Variants in NRXN1 observed in about 807,000 individuals in gnomAD.
NRXN1 encodes neurexin-1.
In NRXN1, 39 loss-of-function variants were observed where a neutral mutation model predicts 150.9. The ratio of observed to expected loss-of-function variants is 0.26; its 90% CI spans 0.20 to 0.34. The LOEUF (loss-of-function observed/expected upper bound fraction) is 0.34. Ranked by LOEUF, NRXN1 falls within the 10% of genes least tolerant of loss-of-function variation. The pLI is 1.00. For missense variants in NRXN1, 1,815 were observed against 1,949.9 expected, an observed-to-expected ratio of 0.93 and a Z score of 1.30; for synonymous variants, 924 against 757.0, an observed-to-expected ratio of 1.22 and a Z score of -3.62.
intron 13 of NRXN1, among the ~76,000 whole-genome samples, chr2:50,504,120 G>C (rs77433908): frequency 1.6e-5 from 2 of 123,894 alleles, no homozygotes; most frequent in Non-Finnish European, 3.3e-5. Context: ...GATTAAAGGA[G>C]GCTAAAGAAA....
chr2:50,906,176 T>G (rs567358641), intron 5 of NRXN1, among the ~76,000 whole-genome samples: 12 of 152,240 alleles, frequency 7.9e-5, no homozygotes, highest in African/African-American at 2.6e-4. Flanking sequence ...CCAAGTAGAT[T>G]AATATCATAT....
intron 18 of NRXN1, among the ~76,000 whole-genome samples, chr2:50,102,428 A>G (rs72878105): frequency 0.037 from 5,685 of 152,124 alleles, 357 homozygotes; most frequent in African/African-American, 0.13. Context: ...TGGAACTACC[A>G]TAACACATGA....
In NRXN1 at chr2:50,915,257, G is replaced by C. The variant is rs576347867; in HGVS notation, c.832+6612C>G. On this transcript the variant is annotated intron_variant, in intron 5 of 22. Coordinates refer to ENST00000401669, the MANE Select transcript of NRXN1 (RefSeq NM_001330078.2). Reference sequence around the variant, plus strand: ...CTTTTCCTTGAAAATGTGGTATTCAGATAACTAGGTGTCAGCAGTCTCAAC... The same window carrying C: ...CTTTTCCTTGAAAATGTGGTATTCACATAACTAGGTGTCAGCAGTCTCAAC... Among the ~76,000 whole-genome samples, 10 of 151,702 alleles carry C rather than the reference G, an allele frequency of 6.6e-5. 1 individual carries two copies. Among genetic ancestry groups the C allele is most frequent in the African/African-American group, 2.4e-4 (10 of 41,466 alleles).
chr2:50,256,321 A>G (rs1403215877), intron 17 of NRXN1, among the ~76,000 whole-genome samples: 1 of 152,152 alleles, frequency 6.6e-6, no homozygotes, highest in African/African-American at 2.4e-5. Flanking sequence ...CATTAGAACA[A>G]TAGTTGGTTG....
At chr2:50,953,166 C>A (rs1035277445) in intron 2 of NRXN1, among the ~76,000 whole-genome samples, 5 of 152,112 alleles carry the variant, frequency 3.3e-5, no homozygotes, top group African/African-American at 1.2e-4. Flanking sequence ...AGTATAGACC[C>A]ATTATGAATA....
At chr2:50,242,028 CT>C (rs988418570) in intron 17 of NRXN1, among the ~76,000 whole-genome samples, 42 of 151,886 alleles carry the variant, frequency 2.8e-4, no homozygotes, top group African/African-American at 9.9e-4. Flanking sequence ...TAAAAGGTTA[CT>C]TTTTGAAAGC....
chr2:50,936,920 C>T (rs775270723), intron 2 of NRXN1, among the ~76,000 whole-genome samples: 10 of 152,042 alleles, frequency 6.6e-5, no homozygotes, highest in South Asian at 2.1e-4. Context: ...TAAGAAACTA[C>T]GAATCATTGG....
chr2:49,957,565 A>C (rs2104516276), intron 21 of NRXN1, among the ~76,000 whole-genome samples: 1 of 152,286 alleles, frequency 6.6e-6, no homozygotes, highest in Non-Finnish European at 1.5e-5. Flanking sequence ...AGAGAAGATT[A>C]TATGTTTGAT....
chr2:50,535,582 T>C (rs2093235627), intron 10 of NRXN1, among the ~76,000 whole-genome samples: 2 of 152,258 alleles, frequency 1.3e-5, no homozygotes, highest in African/African-American at 4.8e-5. Context: ...ATAATTTTTA[T>C]ATGATCAAGT....
intron 17 of NRXN1, among the ~76,000 whole-genome samples, chr2:50,342,667 A>C (rs2077632695): frequency 6.6e-6 from 1 of 152,228 alleles, no homozygotes; most frequent in African/African-American, 2.4e-5. Flanking sequence ...AGTGTGCATT[A>C]TTGTTAAAAC....
chr2:50,768,091 C>T (rs1339918578), intron 5 of NRXN1, among the ~76,000 whole-genome samples: 1 of 152,048 alleles, frequency 6.6e-6, no homozygotes, highest in Non-Finnish European at 1.5e-5. Context: ...GGCCTAGGGA[C>T]AGTGAGTTTT....
chr2:49,956,269 G>A (rs928813642), intron 21 of NRXN1, among the ~76,000 whole-genome samples: 2 of 152,080 alleles, frequency 1.3e-5, no homozygotes, highest in Admixed American at 6.6e-5. Flanking sequence ...TTACAAAAAC[G>A]TTTCCAAATG....
At chr2:50,573,755 A>AATC (rs1671002140) in intron 8 of NRXN1, among the ~76,000 whole-genome samples, 1 of 150,622 alleles carries the variant, frequency 6.6e-6, no homozygotes, top group Non-Finnish European at 1.5e-5. Context: ...TAATAATAAT[A>AATC]ATAATAATAA....
At chr2:50,482,731 G>A (rs1313833886) in intron 15 of NRXN1, among the ~76,000 whole-genome samples, 1 of 152,072 alleles carries the variant, frequency 6.6e-6, no homozygotes, top group African/African-American at 2.4e-5. Flanking sequence ...GATGTTCTTA[G>A]TAACATATGA....
At chr2:50,393,978 C>T (rs1332835105) in intron 17 of NRXN1, among the ~76,000 whole-genome samples, 3 of 152,134 alleles carry the variant, frequency 2.0e-5, no homozygotes, top group Non-Finnish European at 2.9e-5. Flanking sequence ...ATAAATAAAA[C>T]ATCTGACACG....
rs185548148 is a variant in NRXN1, at chr2:50,078,890, T to C, written c.3718+12433A>G. Among the ~76,000 whole-genome samples the C allele has an allele frequency of 2.4e-3, 359 of 152,226 alleles. 2 individuals are homozygous for C. Among genetic ancestry groups the C allele is most frequent in the Non-Finnish European group, 3.0e-3 (202 of 67,938 alleles). On this transcript the variant is annotated intron_variant, in intron 19 of 22. Transcript: ENST00000401669. ...TACTTTTACTTGGAGGAAATATTTT[T>C]AGACTACATAAATTACTAATTTCTA... is the stretch of plus-strand genomic sequence containing the variant.
chr2:50,008,961 A>G (rs182331172), intron 21 of NRXN1, among the ~76,000 whole-genome samples: 1 of 152,180 alleles, frequency 6.6e-6, no homozygotes, highest in Non-Finnish European at 1.5e-5. Context: ...TTCATAAAAC[A>G]ATGACATAAA....
In NRXN1 at chr2:50,523,150, T is replaced by TA. The variant is rs10672773; in HGVS notation, c.2374+5474_2374+5475insT. ...TTTACATTTTACATGCAATTTTTTT[T>TA]GATTTTTGCTGAAAATAATAATTTA... is the stretch of plus-strand genomic sequence containing the variant. On this transcript the variant is annotated intron_variant, in intron 12 of 22. Coordinates refer to ENST00000401669, the MANE Select transcript of NRXN1 (RefSeq NM_001330078.2). 3.4e-3 allele frequency among the ~76,000 whole-genome samples: 521 copies of TA among 152,004 alleles called. 3 individuals carry two copies. Among genetic ancestry groups the TA allele is most frequent in the African/African-American group, 0.01 (429 of 41,502 alleles).
chr2:50,055,075 TA>T, intron 19 of NRXN1, 31 bp from the exon 20 acceptor site: 2 of 1,436,652 alleles, frequency 1.4e-6, no homozygotes, highest in Non-Finnish European at 1.9e-6. Context: ...TTTCATTGGT[TA>T]AAATCTGTAA....
Sources: allele counts gnomAD v4.1 joint callset (sites outside exome capture counted in the v4.1 genomes callset), GRCh38; gene constraint gnomAD v4.1.1; transcripts MANE v1.5; gene names NCBI Gene and HGNC (gene_info 2026-07-23, HGNC 2026-07-21).